The following C4orf51 variants were observed in gnomAD, a reference collection of about 807,000 sequenced individuals.
C4orf51 encodes the protein chromosome 4 open reading frame 51.
A neutral mutation model predicts 25.2 loss-of-function variants in C4orf51; 25 were observed. The ratio of observed to expected loss-of-function variants is 0.99; its 90% CI spans 0.72 to 1.39. The LOEUF is 1.39. Among genes scored for constraint, C4orf51 ranks in the 40% most tolerant of loss-of-function variants. C4orf51 has a pLI of 0.00. For synonymous variants in C4orf51, 100 were observed against 84.5 expected, an observed-to-expected ratio of 1.18 and a Z score of -1.01; for missense variants, 252 against 239.6, an observed-to-expected ratio of 1.05 and a Z score of -0.34.
At position 145,732,681 on chromosome 4, in the gene C4orf51, CAGGTTGGCTTTCTGGG is replaced by C. The variant is rs1162749376; in HGVS notation, c.*123_*138del. ...CCGCCCAGGAACGTCTGGACCCTGG[CAGGTTGGCTTTCTGGG>C]ACAATTCCATGGGCTTCATTTATCA... On this transcript the variant is annotated 3_prime_UTR_variant, in exon 6 of 6. Transcript: ENST00000438731. 5.2e-6 allele frequency: 3 copies of C among 580,140 alleles called. No individual in the cohort carries two copies. Among genetic ancestry groups the C allele is most frequent in the Non-Finnish European group, 8.9e-6 (3 of 335,298 alleles). 35.9% of individuals were successfully genotyped at this position (580,140 alleles called of 1,614,324 possible). A position where few individuals can be genotyped will look rare whatever the true frequency, so the allele number is the denominator to read the frequency against.
chr4:145,699,350 A>G (rs1730280875), intron 2 of C4orf51, among the ~76,000 whole-genome samples: 1 of 141,244 alleles, frequency 7.1e-6, no homozygotes, highest in Admixed American at 7.4e-5. Context: ...GCTCTGTGAG[A>G]AAGATCCACC....
chr4:145,722,849 A>G (rs973804550), intron 2 of C4orf51, among the ~76,000 whole-genome samples: 2 of 151,924 alleles, frequency 1.3e-5, no homozygotes, highest in African/African-American at 4.8e-5. Context: ...AGGAGCACAA[A>G]CCCTATTGTG....
chr4:145,683,892 G>T (rs7656294), intron 1 of C4orf51, among the ~76,000 whole-genome samples: 152,265 of 152,364 alleles, frequency 1, 76,083 homozygotes, highest in Middle Eastern at 1. Flanking sequence ...AAGAAATAAT[G>T]GATAAGCTGA....
intron 1 of C4orf51, among the ~76,000 whole-genome samples, chr4:145,694,681 G>A (rs1410670883): frequency 3.6e-5 from 5 of 139,840 alleles, no homozygotes; most frequent in Non-Finnish European, 7.8e-5. Flanking sequence ...CAGCCGCCCC[G>A]TCGGGGAGGT....
chr4:145,716,079 A>G (rs1487874273), intron 2 of C4orf51, among the ~76,000 whole-genome samples: 1 of 152,218 alleles, frequency 6.6e-6, no homozygotes, highest in Non-Finnish European at 1.5e-5. Flanking sequence ...TGTTATAGAT[A>G]ACCCCCCCAA....
chr4:145,693,343 T>C (rs1340968540), intron 1 of C4orf51, among the ~76,000 whole-genome samples: 1 of 150,902 alleles, frequency 6.6e-6, no homozygotes, highest in Non-Finnish European at 1.5e-5. Context: ...GAGCACAGGG[T>C]TGGGGGTAAG....
At chr4:145,725,866 A>T (rs1560849516) in intron 2 of C4orf51, among the ~76,000 whole-genome samples, 1 of 152,188 alleles carries the variant, frequency 6.6e-6, no homozygotes, top group African/African-American at 2.4e-5. Context: ...TGATTGCATA[A>T]CCTGATAAGT....
chr4:145,788,853 C>T, the C4orf51 span, among the ~76,000 whole-genome samples: 31,867 of 152,142 alleles, frequency 0.21, 4,234 homozygotes, highest in East Asian at 0.68. Flanking sequence ...GCCTGAAAAT[C>T]ATGTCTTTTT....
At chr4:145,783,910 GGA>G in the C4orf51 span, among the ~76,000 whole-genome samples, 1 of 152,144 alleles carries the variant, frequency 6.6e-6, no homozygotes, top group African/African-American at 2.4e-5. Flanking sequence ...GGGCCTTGTG[GGA>G]GGTGATTGGA....
intron 1 of C4orf51, among the ~76,000 whole-genome samples, chr4:145,694,092 T>A (rs1243363489): frequency 7.4e-6 from 1 of 135,704 alleles, no homozygotes; most frequent in African/African-American, 2.9e-5. Context: ...GAGGCGCTCC[T>A]CACATCCCAG....
intron 2 of C4orf51, among the ~76,000 whole-genome samples, chr4:145,708,048 G>T (rs2126720573): frequency 6.6e-6 from 1 of 152,318 alleles, no homozygotes; most frequent in Admixed American, 6.5e-5. Flanking sequence ...ATCCCATTGG[G>T]GCAGTGCCTT....
At chr4:145,703,050 C>A (rs533570092) in intron 2 of C4orf51, among the ~76,000 whole-genome samples, 1 of 151,786 alleles carries the variant, frequency 6.6e-6, no homozygotes, top group East Asian at 1.9e-4. Context: ...TATAAGAAGG[C>A]AGGAATGTCA....
intron 2 of C4orf51, among the ~76,000 whole-genome samples, chr4:145,723,860 C>T (rs867992150): frequency 3.3e-5 from 5 of 152,128 alleles, no homozygotes; most frequent in Admixed American, 6.5e-5. Flanking sequence ...ACTGTGACCT[C>T]GCAAAGAAAA....
At chr4:145,750,775 T>C (rs1168671514) in intron 1 of C4orf51, among the ~76,000 whole-genome samples, 1 of 152,170 alleles carries the variant, frequency 6.6e-6, no homozygotes, top group African/African-American at 2.4e-5. Flanking sequence ...CAATAACTCT[T>C]AGATTTGCCC....
downstream of C4orf51, among the ~76,000 whole-genome samples, chr4:145,755,128 G>A (rs1410928849): frequency 3.3e-5 from 5 of 152,008 alleles, no homozygotes; most frequent in Non-Finnish European, 5.9e-5. Context: ...ACTTTTTCTT[G>A]TTTACAACAA....
chr4:145,694,912 A>G (rs1366851293), intron 1 of C4orf51, among the ~76,000 whole-genome samples: 1 of 152,220 alleles, frequency 6.6e-6, no homozygotes, highest in Non-Finnish European at 1.5e-5. Flanking sequence ...CAGAAGTTGA[A>G]AATGTTACCC....
intron 2 of C4orf51, 77 bp downstream of exon 2, chr4:145,696,709 T>C (rs765346202): frequency 5.0e-5 from 55 of 1,090,076 alleles, no homozygotes; most frequent in Non-Finnish European, 7.4e-5. Context: ...TCTTTTTTTT[T>C]CTCTCACTTT....
chr4:145,771,390 G>T (rs925391372), downstream of C4orf51, among the ~76,000 whole-genome samples: 1 of 152,158 alleles, frequency 6.6e-6, no homozygotes, highest in Non-Finnish European at 1.5e-5. Flanking sequence ...TTTGTTAATA[G>T]GGATTCTGTA....
At chr4:145,733,368 A>AGGGAGGGACC (rs2126779895), downstream of C4orf51, among the ~76,000 whole-genome samples, 1 of 152,078 alleles carries the variant, frequency 6.6e-6, no homozygotes, top group Non-Finnish European at 1.5e-5. Flanking sequence ...AGCGCGCGGG[A>AGGGAGGGACC]GGGAGGGACC....
Sources: gnomAD v4.1 joint callset for allele counts (sites outside exome capture counted in the v4.1 genomes callset) on GRCh38, gnomAD v4.1.1 for gene constraint, MANE v1.5 for transcripts, NCBI Gene and HGNC (gene_info 2026-07-23, HGNC 2026-07-21) for gene names.